Variants in DNAH1 observed in about 807,000 individuals in gnomAD.
DNAH1 encodes axonemal beta dynein heavy chain 1.
A neutral mutation model predicts 484.3 loss-of-function variants in DNAH1; 327 were observed. That is an observed-to-expected ratio of 0.68 (90% CI 0.62 to 0.74). The LOEUF (loss-of-function observed/expected upper bound fraction) is 0.74, where lower values mean the gene tolerates loss of function less well. Among genes scored for constraint, DNAH1 ranks in the 30% least tolerant of loss-of-function variants. DNAH1 has a pLI of 0.00. For synonymous variants in DNAH1, 2,192 were observed against 2,191.9 expected (o/e 1.00, Z 0.00); for missense variants, 5,052 against 5,546.8 (o/e 0.91, Z 2.83).
At chr3:52,363,502 G>A (rs1269818091) in intron 32 of DNAH1, among the ~76,000 whole-genome samples, 2 of 152,200 alleles carry the variant, frequency 1.3e-5, no homozygotes, top group Non-Finnish European at 2.9e-5. Context: ...GTGGGGACCA[G>A]AGTAGGACAG....
In DNAH1 at chr3:52,323,886, T is replaced by A. The variant is rs1701242021; in HGVS notation, c.406+6T>A. On this transcript the variant is annotated splice_donor_region_variant and intron_variant, in intron 3 of 77. Coordinates refer to ENST00000420323, the MANE Select transcript of DNAH1 (RefSeq NM_015512.5). ...TGACAAGTTCACCCCAAGAGGTCAG[T>A]GCTCAGGAGGGCTGTGTGAGTGGGT... 6.4e-7 allele frequency: 1 copy of A among 1,568,476 alleles called. No homozygotes were observed. The highest frequency in any genetic ancestry group is 8.6e-7 in the Non-Finnish European group (1 of 1,156,284).
Position 52,370,644 on chromosome 3 carries a change from C to G in DNAH1, c.6417+9C>G. 1.2e-6 allele frequency: 2 copies of G among 1,606,912 alleles called. No individual in the cohort carries two copies. On this transcript the variant is annotated intron_variant, in intron 40 of 77. Coordinates refer to ENST00000420323, the MANE Select transcript of DNAH1 (RefSeq NM_015512.5). ...AGATGGAGAACGAACAGGTGAGAGC[C>G]GGCGGCCCCCAGGGACCAGGAGCCT...
At chr3:52,352,764 T>G (rs1348547295) in intron 18 of DNAH1, 57 bp downstream of exon 18, 14 of 1,562,320 alleles carry the variant, frequency 9.0e-6, no homozygotes, top group Non-Finnish European at 1.1e-5. Context: ...AAGCAGCTCA[T>G]GTAGATGCAG....
intron 16 of DNAH1, among the ~76,000 whole-genome samples, chr3:52,351,594 G>A (rs1273743940): frequency 6.6e-6 from 1 of 152,244 alleles, no homozygotes; most frequent in African/African-American, 2.4e-5. Context: ...GCTAGAGACT[G>A]TGGCTTTGCC....
intron 1 of DNAH1, chr3:52,317,909 T>C (rs1701009063): frequency 6.6e-6 from 1 of 152,332 alleles, no homozygotes; most frequent in African/African-American, 2.4e-5. Flanking sequence ...AACCGGTACG[T>C]CGGTGAGGCG....
Position 52,378,820 on chromosome 3 carries a change from C to T in DNAH1, c.7377+40C>T, listed in dbSNP as rs779808596. The T allele has an allele frequency of 3.1e-6, 5 of 1,609,440 alleles. No homozygotes were observed. The African/African-American group carries it at 6.7e-5, about 21-fold the overall frequency. ...GGCACCCTCCCCAGTGCCCACACTG[C>T]TCTCCGCATCCTCCCCAGCCCCACC... On this transcript the variant is annotated intron_variant, in intron 47 of 77. Transcript: ENST00000420323.
intron 8 of DNAH1, among the ~76,000 whole-genome samples, chr3:52,337,551 G>A (rs1701780411): frequency 6.6e-6 from 1 of 152,082 alleles, no homozygotes; most frequent in Non-Finnish European, 1.5e-5. Context: ...TTATTGGTAT[G>A]GCTAATAGGT....
chr3:52,396,405 C>G lies in DNAH1; in HGVS notation c.11297C>G (p.Pro3766Arg). ...TTCCGCCTCTGGCTCACCAGCCTGC[C>G]CAGCAACAAGTTCCCAGTGTCCATC... ...RDFRLWLTSL[P>R]SNKFPVSILQ... Residue 3766 changes from proline to arginine, a missense_variant, in exon 71 of 78, where the codon CCC becomes CGC. This residue lies in a region of DNAH1 where 853 missense variants were observed against 899.0 expected (regional missense o/e 0.95). Coordinates refer to ENST00000420323, the MANE Select transcript of DNAH1 (RefSeq NM_015512.5). 3 of 1,588,808 alleles carry G rather than the reference C, an allele frequency of 1.9e-6. No homozygotes were observed. The highest frequency in any genetic ancestry group is 1.3e-5 in the African/African-American group (1 of 74,290).
At chr3:52,387,977 T>C (rs1407539817) in intron 56 of DNAH1, among the ~76,000 whole-genome samples, 190 bp from the exon 57 acceptor site, 3 of 152,180 alleles carry the variant, frequency 2.0e-5, no homozygotes, top group African/African-American at 7.2e-5. Context: ...TCTAAAATCC[T>C]GGGGACCAAA....
At position 52,364,618 on chromosome 3, in the gene DNAH1, C is replaced by T. The variant is rs764157439; in HGVS notation, c.5245-20C>T. On this transcript the variant is annotated intron_variant, in intron 32 of 77. Transcript: ENST00000420323. The surrounding 1 kb of genome is among the most constrained non-coding windows in gnomAD (Gnocchi z 4.2). ...GGAGAGGGACAGTGCTCACCCATGCCTCCTTCTGTATGGCGACAGGATCAC... is the reference window on the plus strand; with the variant it reads ...GGAGAGGGACAGTGCTCACCCATGCTTCCTTCTGTATGGCGACAGGATCAC... 4.3e-6 allele frequency: 7 copies of T among 1,613,558 alleles called. No individual in the cohort carries two copies. Among genetic ancestry groups the T allele is most frequent in the South Asian group, 2.2e-5 (2 of 91,092 alleles).
intron 54 of DNAH1, 111 bp downstream of exon 54, chr3:52,385,558 G>A (rs1263103328): frequency 2.0e-5 from 16 of 806,982 alleles, no homozygotes; most frequent in South Asian, 1.9e-4. Flanking sequence ...TCTGGCCTCC[G>A]TGTGCCCCAG....
In DNAH1 at chr3:52,358,020, G is replaced by T. The variant is rs753982908; in HGVS notation, c.4086+17G>T. 6.3e-7 allele frequency: 1 copy of T among 1,580,174 alleles called. No homozygotes were observed. On this transcript the variant is annotated intron_variant, in intron 24 of 77. Coordinates refer to ENST00000420323, the MANE Select transcript of DNAH1 (RefSeq NM_015512.5). This position sits in a 1 kb window ranked among gnomAD's most constrained non-coding sequence, Gnocchi z 4.2. ...ATCGCTCGGGTGGGCAGCTGGGCCC[G>T]GGGCTCAGGGCTGGGAGCATGGGGC...
chr3:52,322,026 G>C (rs909923506), intron 1 of DNAH1, among the ~76,000 whole-genome samples: 1 of 152,154 alleles, frequency 6.6e-6, no homozygotes, highest in South Asian at 2.1e-4. Context: ...TATTGGGTGA[G>C]CAAGCTCTGG....
intron 57 of DNAH1, 38 bp from the exon 58 acceptor site, chr3:52,388,380 G>A (rs1281566439): frequency 6.2e-7 from 1 of 1,601,968 alleles, no homozygotes; most frequent in Non-Finnish European, 8.5e-7. Flanking sequence ...CCTCCCGGGG[G>A]TACTTGGCGA....
intron 27 of DNAH1, 70 bp downstream of exon 27, chr3:52,360,149 CAGTTAGCAATA>C: frequency 6.2e-7 from 1 of 1,601,320 alleles, no homozygotes; most frequent in Non-Finnish European, 8.5e-7. Context: ...AGAGAAAAGT[CAGTTAGCAATA>C]AGCTGGTCTC....
Position 52,395,654 on chromosome 3 carries a change from C to T in DNAH1, c.11235C>T (p.Leu3745=). The part of the protein sequence containing the change: ...APSWMPALER[L]IEHINPDKVH... ...GCTGGATGCCAGCCCTAGAACGCCT[C>T]ATCGAGCACATCAACCCCGACAAGG... Residue 3745 remains leucine, a synonymous_variant, in exon 70 of 78, where the codon CTC becomes CTT. Coordinates refer to ENST00000420323, the MANE Select transcript of DNAH1 (RefSeq NM_015512.5). The surrounding 1 kb of genome is among the most constrained non-coding windows in gnomAD (Gnocchi z 4.4). 1 of 1,613,830 alleles carries T rather than the reference C, an allele frequency of 6.2e-7. No homozygotes were observed. The highest frequency in any genetic ancestry group is 8.5e-7 in the Non-Finnish European group (1 of 1,179,880).
In DNAH1 at chr3:52,353,679, G is replaced by GGACA. The variant is rs765233341; in HGVS notation, c.3480+48_3480+51dup. On this transcript the variant is annotated intron_variant, in intron 20 of 77. Coordinates refer to ENST00000420323, the MANE Select transcript of DNAH1 (RefSeq NM_015512.5). This position sits in a 1 kb window ranked among gnomAD's most constrained non-coding sequence, Gnocchi z 5.0. ...CCAGCCACTCCAGCCAGGCCCTGCC[G>GGACA]GACAGCCTGACCTCCTGCTCTGGCA... 1.4e-5 allele frequency: 22 copies of GGACA among 1,552,350 alleles called. No homozygotes were observed. The highest frequency in any genetic ancestry group is 1.7e-5 in the Non-Finnish European group (19 of 1,150,526).
intron 9 of DNAH1, among the ~76,000 whole-genome samples, chr3:52,344,957 A>T (rs1033364690): frequency 6.6e-6 from 1 of 152,196 alleles, no homozygotes; most frequent in Non-Finnish European, 1.5e-5. Context: ...GACCTAGAGG[A>T]TAGTCCTTCT....
chr3:52,337,654 T>A (rs1701783340), intron 8 of DNAH1, among the ~76,000 whole-genome samples: 1 of 152,252 alleles, frequency 6.6e-6, no homozygotes, highest in South Asian at 2.1e-4. Flanking sequence ...ATATGTTTTC[T>A]TAGTTCTTCT....
Sources: allele counts gnomAD v4.1 joint callset (sites outside exome capture counted in the v4.1 genomes callset), GRCh38; gene constraint gnomAD v4.1.1; regional missense constraint gnomAD v4.1.1; non-coding constraint Gnocchi (gnomAD v3.1); transcripts MANE v1.5; gene names NCBI Gene and HGNC (gene_info 2026-07-23, HGNC 2026-07-21).